Variants in NALCN observed in about 807,000 individuals in gnomAD.
NALCN encodes sodium leak channel, non-selective.
In NALCN, 111 loss-of-function variants were observed where a neutral mutation model predicts 225.3. That is an observed-to-expected ratio of 0.49 (90% CI 0.42 to 0.58). The LOEUF (loss-of-function observed/expected upper bound fraction) is 0.58. NALCN is among the 20% of genes least tolerant of loss of function. NALCN has a pLI of 0.00. For missense variants in NALCN, 1,378 were observed against 2,202.4 expected (o/e 0.63, Z 7.49); for synonymous variants, 764 against 769.0 (o/e 0.99, Z 0.11).
At chr13:101,115,185 A>T (rs973623495) in intron 18 of NALCN, among the ~76,000 whole-genome samples, 1 of 152,140 alleles carries the variant, frequency 6.6e-6, no homozygotes, top group South Asian at 2.1e-4. Context: ...AATAATCTTA[A>T]TTTTATCTCA....
chr13:101,107,641 T>C lies in NALCN; in HGVS notation c.2457-32A>G, dbSNP rs546862306. The C allele has an allele frequency of 6.2e-6, 10 of 1,613,912 alleles. No homozygotes were observed. In the African/African-American group the frequency reaches 6.7e-5, roughly 11 times the overall value. On this transcript the variant is annotated intron_variant, in intron 21 of 43. Transcript: ENST00000251127. ...GGAGAAATTCATGGGAGAATGAGGCTAAGGGAAATTTTGCCATTCCCGAAT... is the reference window on the plus strand; with the variant it reads ...GGAGAAATTCATGGGAGAATGAGGCCAAGGGAAATTTTGCCATTCCCGAAT...
intron 7 of NALCN, among the ~76,000 whole-genome samples, chr13:101,343,237 A>T (rs1345730458): frequency 6.6e-6 from 1 of 152,172 alleles, no homozygotes; most frequent in East Asian, 1.9e-4. Flanking sequence ...TTCAATCTAA[A>T]TTATAACGAC....
Position 101,081,775 on chromosome 13 carries a change from A to T in NALCN, c.3766-129T>A, listed in dbSNP as rs2033665865. 10 of 1,185,186 alleles carry T rather than the reference A, an allele frequency of 8.4e-6. No individual in the cohort carries two copies. In the East Asian group the frequency reaches 2.6e-4, roughly 31 times the overall value. 73.4% of individuals were successfully genotyped at this position (1,185,186 alleles called of 1,614,324 possible). ...GAAAATTTTAAATTATTTGATGTGGACACAGTATCTTTTCCATTGAAAATG... is the reference window on the plus strand; with the variant it reads ...GAAAATTTTAAATTATTTGATGTGGTCACAGTATCTTTTCCATTGAAAATG... On this transcript the variant is annotated intron_variant, in intron 33 of 43. Transcript: ENST00000251127.
At chr13:101,227,308 A>T (rs545979433) in intron 13 of NALCN, among the ~76,000 whole-genome samples, 3 of 152,262 alleles carry the variant, frequency 2.0e-5, no homozygotes, top group African/African-American at 7.2e-5. Flanking sequence ...TCTCATCAGC[A>T]CTTAAACATC....
chr13:101,400,553 GTGT>G (rs768346620), intron 1 of NALCN, among the ~76,000 whole-genome samples: 42 of 116,098 alleles, frequency 3.6e-4, no homozygotes, highest in East Asian at 1.3e-3. Flanking sequence ...CAGTGTGTGT[GTGT>G]GTGTGTGTGT....
chr13:101,073,712 T>C, intron 36 of NALCN, 35 bp from the exon 37 acceptor site: 3 of 1,559,508 alleles, frequency 1.9e-6, no homozygotes, highest in Non-Finnish European at 2.6e-6. Flanking sequence ...AGAATGTGAA[T>C]TATAGAAGGG....
At chr13:101,129,450 T>C (rs942049577) in intron 17 of NALCN, among the ~76,000 whole-genome samples, 3 of 152,228 alleles carry the variant, frequency 2.0e-5, no homozygotes, top group Admixed American at 6.5e-5. Context: ...GTCTGTAGGT[T>C]CTTTTTATAT....
chr13:101,259,841 T>C (rs1371383695), intron 10 of NALCN, among the ~76,000 whole-genome samples: 4 of 151,272 alleles, frequency 2.6e-5, no homozygotes, highest in Non-Finnish European at 5.9e-5. Flanking sequence ...GGAATAAGCA[T>C]ATCATGGAGA....
chr13:101,392,994 T>G (rs541561191), intron 3 of NALCN, among the ~76,000 whole-genome samples: 1 of 152,362 alleles, frequency 6.6e-6, no homozygotes, highest in East Asian at 1.9e-4. Context: ...AAAACTCTCC[T>G]GTATGACATA....
At chr13:101,346,252 G>A (rs1047043762) in intron 6 of NALCN, among the ~76,000 whole-genome samples, 2 of 151,660 alleles carry the variant, frequency 1.3e-5, no homozygotes, top group Non-Finnish European at 2.9e-5. Context: ...CTCTTTATAA[G>A]AATACTATCA....
intron 30 of NALCN, among the ~76,000 whole-genome samples, chr13:101,087,131 CAG>C (rs2139534725): frequency 6.6e-6 from 1 of 151,966 alleles, no homozygotes; most frequent in East Asian, 1.9e-4. Flanking sequence ...GTAGAGAAAT[CAG>C]AAAAAAATCT....
chr13:101,168,071 G>A (rs1391400003), intron 15 of NALCN, among the ~76,000 whole-genome samples: 1 of 152,050 alleles, frequency 6.6e-6, no homozygotes, highest in Non-Finnish European at 1.5e-5. Context: ...CGTTGAACAA[G>A]GATCTCTCTT....
At chr13:101,121,962 T>C (rs1290885213) in intron 18 of NALCN, among the ~76,000 whole-genome samples, 9 of 151,926 alleles carry the variant, frequency 5.9e-5, no homozygotes, top group Non-Finnish European at 1.2e-4. Context: ...TCCTTTTTTT[T>C]TTTTTTAAAA....
chr13:101,160,666 G>GTT (rs919861714), intron 15 of NALCN, among the ~76,000 whole-genome samples: 1 of 150,706 alleles, frequency 6.6e-6, no homozygotes, highest in African/African-American at 2.4e-5. Flanking sequence ...TTTTGTTTTT[G>GTT]TTTTTTTTTA....
intron 17 of NALCN, among the ~76,000 whole-genome samples, chr13:101,136,782 T>C (rs2036820983): frequency 6.6e-6 from 1 of 152,218 alleles, no homozygotes; most frequent in African/African-American, 2.4e-5. Flanking sequence ...CATGTGTCTT[T>C]ATAGCAGCAT....
chr13:101,400,571 GTGTGTGTGTGCA>G (rs1475426618), intron 1 of NALCN, among the ~76,000 whole-genome samples: 12 of 131,216 alleles, frequency 9.1e-5, no homozygotes, highest in African/African-American at 3.9e-4. Context: ...GTGTGTGTGT[GTGTGTGTGTGCA>G]CGTGTGTGCG....
chr13:101,332,447 T>C (rs1362307941), intron 7 of NALCN, among the ~76,000 whole-genome samples: 1 of 139,740 alleles, frequency 7.2e-6, no homozygotes, highest in African/African-American at 2.7e-5. Flanking sequence ...CGACTCACGG[T>C]AGGCTTGTTA....
chr13:101,267,411 GA>G (rs1192068242), intron 10 of NALCN, among the ~76,000 whole-genome samples: 4 of 152,156 alleles, frequency 2.6e-5, no homozygotes, highest in African/African-American at 9.7e-5. Flanking sequence ...TAGCCTGTGT[GA>G]AAAAACCCAG....
At chr13:101,202,001 G>C (rs1199290128) in intron 13 of NALCN, among the ~76,000 whole-genome samples, 1 of 152,096 alleles carries the variant, frequency 6.6e-6, no homozygotes, top group Non-Finnish European at 1.5e-5. Flanking sequence ...CTTCTCTTCT[G>C]TTTTTAATTG....
Sources: allele counts gnomAD v4.1 joint callset (sites outside exome capture counted in the v4.1 genomes callset), GRCh38; gene constraint gnomAD v4.1.1; transcripts MANE v1.5; gene names NCBI Gene and HGNC (gene_info 2026-07-23, HGNC 2026-07-21).